IL1RL1: variants seen among roughly 807,000 people sequenced by gnomAD.
IL1RL1 encodes the protein interleukin 1 receptor like 1.
In IL1RL1, 32 loss-of-function variants were observed where a neutral mutation model predicts 50.9. The observed-to-expected ratio is 0.63, with a 90% confidence interval of 0.47 to 0.84. The LOEUF (loss-of-function observed/expected upper bound fraction) is 0.84. Ranked by LOEUF, IL1RL1 falls within the 40% of genes least tolerant of loss-of-function variation. The pLI, the probability that IL1RL1 is intolerant of heterozygous loss-of-function variation, is 0.00. For missense variants in IL1RL1, 773 were observed against 662.9 expected, an observed-to-expected ratio of 1.17 and a Z score of -1.82; for synonymous variants, 275 against 236.0, an observed-to-expected ratio of 1.17 and a Z score of -1.51.
chr2:102,339,132 C>T, intron 3 of IL1RL1, 85 bp downstream of exon 3: 2 of 887,560 alleles, frequency 2.3e-6, no homozygotes, highest in Non-Finnish European at 1.9e-6. Context: ...TGCTTTCATT[C>T]CTTCCCTAGT....
intron 1 of IL1RL1, among the ~76,000 whole-genome samples, chr2:102,326,216 G>T (rs1379380812): frequency 2.6e-5 from 4 of 152,180 alleles, no homozygotes; most frequent in Admixed American, 6.5e-5. Flanking sequence ...TTAAAGAAAA[G>T]AATTTTCAAC....
chr2:102,347,630 C>T lies in IL1RL1; in HGVS notation c.971-315C>T, dbSNP rs139512666. ...CCTCCTCCAGGAAGGCTCCCTTTCC[C>T]AGTCCTGCATGGAGCAAGCTCTCCT... On this transcript the variant is annotated intron_variant, in intron 8 of 10. Transcript: ENST00000233954. 1.4e-3 allele frequency among the ~76,000 whole-genome samples: 220 copies of T among 152,326 alleles called. 3 individuals carry two copies. The East Asian group carries it at 0.033, about 23-fold the overall frequency.
intron 1 of IL1RL1, among the ~76,000 whole-genome samples, chr2:102,326,993 A>G (rs1306789598): frequency 6.6e-6 from 1 of 152,204 alleles, no homozygotes; most frequent in Non-Finnish European, 1.5e-5. Flanking sequence ...TCAGCTCTGC[A>G]CCAAGCAGAC....
chr2:102,347,788 A>G (rs1677824480), intron 8 of IL1RL1, among the ~76,000 whole-genome samples, 157 bp from the exon 9 acceptor site: 1 of 152,184 alleles, frequency 6.6e-6, no homozygotes, highest in Non-Finnish European at 1.5e-5. Context: ...AGGCTCAATA[A>G]ATGTGACTGT....
intron 10 of IL1RL1, among the ~76,000 whole-genome samples, chr2:102,351,097 T>G (rs1677916298): frequency 2.0e-5 from 3 of 152,194 alleles, no homozygotes; most frequent in Admixed American, 2.0e-4. Flanking sequence ...CTTTGGACAA[T>G]TTTGAGGGGC....
intron 1 of IL1RL1, among the ~76,000 whole-genome samples, chr2:102,325,113 G>T (rs1208096262): frequency 6.6e-6 from 1 of 152,172 alleles, no homozygotes; most frequent in Non-Finnish European, 1.5e-5. Flanking sequence ...GTAGGGGGCA[G>T]TCTGACACCT....
At chr2:102,349,028 G>T (rs1408486310) in intron 9 of IL1RL1, 51 bp from the exon 10 acceptor site, 1 of 1,442,644 alleles carries the variant, frequency 6.9e-7, no homozygotes, top group Non-Finnish European at 9.7e-7. Flanking sequence ...AGAGTCCAGT[G>T]AGAATTTTTA....
chr2:102,326,077 C>A (rs12053422), intron 1 of IL1RL1, among the ~76,000 whole-genome samples: 72,626 of 151,732 alleles, frequency 0.48, 17,662 homozygotes, highest in Middle Eastern at 0.64. Context: ...GAAATGAAGG[C>A]AAAAATGTTA....
chr2:102,327,305 A>G (rs1325223537), intron 1 of IL1RL1, among the ~76,000 whole-genome samples: 1 of 152,002 alleles, frequency 6.6e-6, no homozygotes, highest in African/African-American at 2.4e-5. Flanking sequence ...TTTGAAACCA[A>G]CGAGAACAAA....
intron 1 of IL1RL1, among the ~76,000 whole-genome samples, chr2:102,319,076 A>G (rs531704110): frequency 6.6e-6 from 1 of 152,304 alleles, no homozygotes; most frequent in East Asian, 1.9e-4. Flanking sequence ...TCAGCAGGCT[A>G]TATCTTCCTG....
In IL1RL1 at chr2:102,351,499, A is replaced by G. The variant is rs745939856; in HGVS notation, c.1286-37A>G. On this transcript the variant is annotated intron_variant, in intron 10 of 10. Transcript: ENST00000233954. ...AGGATGTTTATGTTTAAAGCATTAG[A>G]CTGATAAGAAATCTGATCTATTTCT... 3.8e-6 allele frequency: 6 copies of G among 1,570,520 alleles called. No individual in the cohort carries two copies. The South Asian group carries it at 6.8e-5, about 18-fold the overall frequency.
intron 1 of IL1RL1, among the ~76,000 whole-genome samples, chr2:102,317,634 A>T (rs1027284306): frequency 1.3e-5 from 2 of 152,130 alleles, no homozygotes; most frequent in African/African-American, 2.4e-5. Context: ...ATTTATAAAA[A>T]TTTTCTCATA....
chr2:102,328,127 T>C (rs1677066827), intron 1 of IL1RL1, among the ~76,000 whole-genome samples: 1 of 152,226 alleles, frequency 6.6e-6, no homozygotes, highest in East Asian at 1.9e-4. Context: ...GCAAACCAAA[T>C]CCAGCAGCAC....
intron 1 of IL1RL1, among the ~76,000 whole-genome samples, chr2:102,330,628 T>G (rs1677150083): frequency 6.6e-6 from 1 of 152,256 alleles, no homozygotes; most frequent in Non-Finnish European, 1.5e-5. Flanking sequence ...AGTCTTTTCC[T>G]CATTTTAAAA....
chr2:102,331,519 A>G (rs1056937357), intron 1 of IL1RL1, among the ~76,000 whole-genome samples: 2 of 152,116 alleles, frequency 1.3e-5, no homozygotes, highest in African/African-American at 4.8e-5. Flanking sequence ...CTTTTTCCTG[A>G]GTGTCTGCAG....
intron 8 of IL1RL1, 98 bp downstream of exon 8, chr2:102,343,513 A>T: frequency 6.2e-7 from 1 of 1,606,194 alleles, no homozygotes; most frequent in Non-Finnish European, 8.5e-7. Context: ...GACAATGGGA[A>T]TGGCCTGTGC....
intron 1 of IL1RL1, chr2:102,337,339 T>A (rs1677362787): frequency 6.6e-6 from 1 of 152,306 alleles, no homozygotes; most frequent in Non-Finnish European, 1.5e-5. Flanking sequence ...TCAGTTTGGG[T>A]AAGCATCAAT....
chr2:102,342,265 C>A lies in IL1RL1; in HGVS notation c.653C>A (p.Ala218Glu), dbSNP rs753297060. 2 of 1,611,526 alleles carry A rather than the reference C, an allele frequency of 1.2e-6. No individual in the cohort carries two copies. Among genetic ancestry groups the A allele is most frequent in the Non-Finnish European group, 1.7e-6 (2 of 1,177,926 alleles). The change falls in exon 6 of 11, where the codon GCA (alanine) becomes GAA (glutamate). Residue 218 changes from alanine to glutamate, a missense_variant. Physicochemically the swap from Ala to Glu is moderately radical, Grantham distance 107. Transcript: ENST00000233954. ...CTGTTTCCAGTAATCGGAGCCCCTGCACAAAATGAAATAAAGGAAGTGGAA... is the reference window on the plus strand; with the variant it reads ...CTGTTTCCAGTAATCGGAGCCCCTGAACAAAATGAAATAAAGGAAGTGGAA... ...FSLFPVIGAPAQNEIKEVEIG... is the reference protein window; with the variant it reads ...FSLFPVIGAPEQNEIKEVEIG...
chr2:102,319,691 C>G (rs1332673274), intron 1 of IL1RL1, among the ~76,000 whole-genome samples: 1 of 152,072 alleles, frequency 6.6e-6, no homozygotes, highest in Non-Finnish European at 1.5e-5. Context: ...CTCTCGCCCT[C>G]TTTTCTTTTT....
Sources: gnomAD v4.1 joint callset for allele counts (sites outside exome capture counted in the v4.1 genomes callset) on GRCh38, gnomAD v4.1.1 for gene constraint, MANE v1.5 for transcripts, NCBI Gene and HGNC (gene_info 2026-07-23, HGNC 2026-07-21) for gene names.